NOP9: variants seen among roughly 807,000 people sequenced by gnomAD.
NOP9 encodes nucleolar protein 9.
NOP9 carries 50 observed loss-of-function variants against 63.0 expected under a neutral mutation model. The observed-to-expected ratio is 0.79, with a 90% confidence interval of 0.63 to 1.00. The LOEUF (loss-of-function observed/expected upper bound fraction) is 1.00, where lower values mean the gene tolerates loss of function less well. Among genes scored for constraint, NOP9 ranks in the 50% least tolerant of loss-of-function variants. The pLI, the probability that NOP9 is intolerant of heterozygous loss-of-function variation, is 0.00. For synonymous variants in NOP9, 343 were observed against 332.8 expected (o/e 1.03, Z -0.33); for missense variants, 758 against 803.0 (o/e 0.94, Z 0.68).
At position 24,306,800 on chromosome 14, in the gene NOP9, G is replaced by T; in HGVS notation, c.*1705G>T. ...CTTCTGGTTTGGAATTGGAAAGCAAGCCAGGTTCTCACGAAGTCCACCCTT... is the reference window on the plus strand; with the variant it reads ...CTTCTGGTTTGGAATTGGAAAGCAATCCAGGTTCTCACGAAGTCCACCCTT... On this transcript the variant is annotated 3_prime_UTR_variant, in exon 10 of 10. Transcript: ENST00000267425. 2.1e-6 allele frequency: 1 copy of T among 484,820 alleles called. No individual in the cohort carries two copies. The allele number at this position is 484,820 out of a possible 1,614,324, so 30.0% of individuals were successfully genotyped here. A position where few individuals can be genotyped will look rare whatever the true frequency, so the allele number is the denominator to read the frequency against.
At chr14:24,293,529 G>A in the NOP9 span, 4 of 152,128 alleles carry the variant, frequency 2.6e-5, no homozygotes, top group Admixed American at 2.6e-4. Flanking sequence ...AGCTGAGATT[G>A]TGCCACTGCA....
Position 24,307,470 on chromosome 14 carries a change from G to T in NOP9, c.*2375G>T. Reference sequence around the variant, plus strand: ...AAGGTCGCTGGGGTGGTGGAGCTGAGGTCCAGACCCTCCGTCCAAACTCCG... The same window carrying T: ...AAGGTCGCTGGGGTGGTGGAGCTGATGTCCAGACCCTCCGTCCAAACTCCG... On this transcript the variant is annotated 3_prime_UTR_variant, in exon 10 of 10. Coordinates refer to ENST00000267425, the MANE Select transcript of NOP9 (RefSeq NM_174913.3). The T allele has an allele frequency of 6.2e-7, 1 of 1,614,098 alleles. No homozygotes were observed. The highest frequency in any genetic ancestry group is 8.5e-7 in the Non-Finnish European group (1 of 1,179,994).
intron 9 of NOP9, 146 bp downstream of exon 9, chr14:24,304,744 C>T: frequency 1.1e-6 from 1 of 886,812 alleles, no homozygotes. Flanking sequence ...GTCTGCTTTC[C>T]CCTTCCCTCC....
chr14:24,299,110 TCA>T, upstream of NOP9: 1 of 1,610,984 alleles, frequency 6.2e-7, no homozygotes, highest in Non-Finnish European at 8.5e-7. Flanking sequence ...CTGCCATGAC[TCA>T]CAGGCAAAGG....
the NOP9 span, among the ~76,000 whole-genome samples, chr14:24,279,818 G>T: frequency 3.3e-5 from 5 of 152,154 alleles, no homozygotes; most frequent in African/African-American, 1.2e-4. Flanking sequence ...CATCACATTC[G>T]GTTTTGGGCA....
the NOP9 span, chr14:24,291,680 T>A: frequency 6.5e-7 from 1 of 1,537,848 alleles, no homozygotes; most frequent in Non-Finnish European, 9.0e-7. Context: ...ACTGCCCAGG[T>A]CTCCTCCCCA....
Position 24,305,458 on chromosome 14 carries a change from A to G in NOP9, c.*363A>G. 1 of 747,988 alleles carries G rather than the reference A, an allele frequency of 1.3e-6. No individual in the cohort carries two copies. The highest frequency in any genetic ancestry group is 2.1e-6 in the Non-Finnish European group (1 of 472,250). 46.3% of individuals were successfully genotyped at this position (747,988 alleles called of 1,614,324 possible). On this transcript the variant is annotated 3_prime_UTR_variant, in exon 10 of 10. Transcript: ENST00000267425. The stretch of plus-strand genomic sequence containing the variant: ...CAGCATTCTTCAGGTAAGGGTATAG[A>G]CTTGGGATGTGAGGCGTTATGCTGA...
chr14:24,282,673 T>C, the NOP9 span, among the ~76,000 whole-genome samples: 4 of 152,302 alleles, frequency 2.6e-5, no homozygotes, highest in East Asian at 5.8e-4. Flanking sequence ...TGTTGGTACT[T>C]GCTAATAGAA....
the NOP9 span, among the ~76,000 whole-genome samples, chr14:24,290,395 C>T: frequency 1.3e-5 from 2 of 152,158 alleles, no homozygotes; most frequent in Non-Finnish European, 2.9e-5. Flanking sequence ...CTGGATGTGC[C>T]CACTTCTAGC....
chr14:24,309,013 C>G lies in NOP9; in HGVS notation c.*3918C>G, dbSNP rs1412503241. On this transcript the variant is annotated 3_prime_UTR_variant, in exon 10 of 10. Coordinates refer to ENST00000267425, the MANE Select transcript of NOP9 (RefSeq NM_174913.3). Reference sequence around the variant, plus strand: ...ACCCTCGTAAACTCCATACCCTGACCCCCTTGTTTTGGATATACCCAGGTA... The same window carrying G: ...ACCCTCGTAAACTCCATACCCTGACGCCCTTGTTTTGGATATACCCAGGTA... 3 of 152,266 alleles carry G rather than the reference C, an allele frequency of 2.0e-5. No homozygotes were observed. The East Asian group carries it at 5.8e-4, about 29-fold the overall frequency. The allele number at this position is 152,266 out of a possible 1,614,324, so 9.4% of individuals were successfully genotyped here.
In NOP9 at chr14:24,302,384, C is replaced by T; in HGVS notation, c.1103C>T (p.Pro368Leu). The T allele has an allele frequency of 6.2e-7, 1 of 1,613,750 alleles. No homozygotes were observed. The highest frequency in any genetic ancestry group is 1.3e-5 in the African/African-American group (1 of 75,040). ...TLAAHPIANF[P>L]LQRLLDAVTT... Reference sequence around the variant, plus strand: ...GCTGCACATCCCATTGCCAACTTCCCTTTGCAGCGCTTACTGGATGCAGTC... The same window carrying T: ...GCTGCACATCCCATTGCCAACTTCCTTTTGCAGCGCTTACTGGATGCAGTC... Residue 368 changes from proline to leucine, a missense_variant, in exon 5 of 10, where the codon CCT (proline) becomes CTT (leucine). Physicochemically the swap from Pro to Leu is moderately conservative, Grantham distance 98. Coordinates refer to ENST00000267425, the MANE Select transcript of NOP9 (RefSeq NM_174913.3).
the NOP9 span, chr14:24,291,551 T>C: frequency 6.2e-7 from 1 of 1,614,148 alleles, no homozygotes; most frequent in Non-Finnish European, 8.5e-7. Context: ...GCCCCCAAAC[T>C]TCACCTGTTG....
chr14:24,276,376 CAA>C, the NOP9 span, among the ~76,000 whole-genome samples: 6 of 115,340 alleles, frequency 5.2e-5, no homozygotes, highest in Admixed American at 8.5e-5. Context: ...GACTCGGTCT[CAA>C]AAAAAAAAAA....
the NOP9 span, chr14:24,291,009 G>A: frequency 2.5e-6 from 4 of 1,613,886 alleles, no homozygotes; most frequent in South Asian, 1.1e-5. Flanking sequence ...GGAACAACAG[G>A]AGGAGGAGGA....
chr14:24,302,832 C>T (rs1031531859), intron 5 of NOP9, among the ~76,000 whole-genome samples: 5 of 152,176 alleles, frequency 3.3e-5, no homozygotes, highest in African/African-American at 1.2e-4. Flanking sequence ...TTTAGTCTCC[C>T]CTTGCTCCTA....
upstream of NOP9, chr14:24,296,714 T>C (rs760984159): frequency 1.2e-6 from 2 of 1,613,764 alleles, 1 homozygote. Context: ...AAATGTGGAG[T>C]TGGGAACAAA....
At chr14:24,295,902 A>G (rs905968939), upstream of NOP9, among the ~76,000 whole-genome samples, 6 of 152,216 alleles carry the variant, frequency 3.9e-5, no homozygotes, top group Admixed American at 1.3e-4. Context: ...TCCATCAGGC[A>G]TGACTTGATT....
chr14:24,277,347 G>T, the NOP9 span, among the ~76,000 whole-genome samples: 2 of 152,164 alleles, frequency 1.3e-5, no homozygotes, highest in African/African-American at 4.8e-5. Context: ...CAAGGCAGAA[G>T]AAGTCAGCGT....
rs750136966 is a variant in NOP9 at position 24,302,092 on chromosome 14, C to T, written c.936C>T (p.Ser312=). 1 of 1,613,644 alleles carries T rather than the reference C, an allele frequency of 6.2e-7. No homozygotes were observed. Among genetic ancestry groups the T allele is most frequent in the Non-Finnish European group, 8.5e-7 (1 of 1,179,786 alleles). Residue 312 remains serine, a synonymous_variant, in exon 4 of 10, where the codon TCC becomes TCT. Transcript: ENST00000267425. ...AVIGYLSTRG[S]SVDGSPLLLF... ...TTGGCTACCTGAGTACTCGCGGTTC[C>T]TCAGTAGATGGCAGGTATGGTCAGG...
Sources: gnomAD v4.1 joint callset for allele counts (sites outside exome capture counted in the v4.1 genomes callset) on GRCh38, gnomAD v4.1.1 for gene constraint, MANE v1.5 for transcripts, NCBI Gene and HGNC (gene_info 2026-07-23, HGNC 2026-07-21) for gene names.